Variants in PDE4D observed in about 807,000 individuals in gnomAD.
PDE4D encodes the protein phosphodiesterase 4D.
A neutral mutation model predicts 87.4 loss-of-function variants in PDE4D; 24 were observed. The observed-to-expected ratio is 0.27, with a 90% CI of 0.20 to 0.39. The LOEUF is 0.39. Ranked by LOEUF, PDE4D falls within the 10% of genes least tolerant of loss-of-function variation. The pLI, the probability that PDE4D is intolerant of heterozygous loss-of-function variation, is 1.00. For synonymous variants in PDE4D, 384 were observed against 383.2 expected (o/e 1.00, Z -0.02); for missense variants, 714 against 1,041.0 (o/e 0.69, Z 4.32).
intron 5 of PDE4D, among the ~76,000 whole-genome samples, chr5:59,056,419 TTTTG>T (rs1284527849): frequency 2.0e-5 from 3 of 152,048 alleles, no homozygotes; most frequent in African/African-American, 4.8e-5. Context: ...AAAGGAGTTT[TTTTG>T]TTTGTTTGTT....
intron 1 of PDE4D, among the ~76,000 whole-genome samples, chr5:60,216,606 C>G (rs560422113): frequency 1.3e-5 from 2 of 151,992 alleles, no homozygotes; most frequent in Non-Finnish European, 2.9e-5. Context: ...AACAAATATT[C>G]CATGTAAAGA....
intron 6 of PDE4D, among the ~76,000 whole-genome samples, chr5:59,003,403 A>AAAT (rs1750934641): frequency 1.3e-5 from 2 of 152,170 alleles, no homozygotes; most frequent in African/African-American, 4.8e-5. Flanking sequence ...TCTCGGCCTA[A>AAAT]AATACCCTCC....
At chr5:60,068,853 G>A (rs371128683) in intron 2 of PDE4D, among the ~76,000 whole-genome samples, 1 of 152,014 alleles carries the variant, frequency 6.6e-6, no homozygotes, top group East Asian at 1.9e-4. Context: ...TCACCCACAA[G>A]CTTTTTAGTT....
intron 1 of PDE4D, chr5:59,276,122 G>GAAAAAAAA (rs56153175): frequency 1.5e-5 from 13 of 854,576 alleles, no homozygotes; most frequent in African/African-American, 8.9e-5. Flanking sequence ...AGTGAGAAAG[G>GAAAAAAAA]AAAAAAAAAA....
At chr5:60,049,580 T>C (rs1254859299) in intron 2 of PDE4D, among the ~76,000 whole-genome samples, 3 of 152,214 alleles carry the variant, frequency 2.0e-5, no homozygotes, top group Non-Finnish European at 4.4e-5. Context: ...GTTTTCCTTC[T>C]AACAGACAGG....
At chr5:59,409,366 T>C (rs1582451858) in intron 1 of PDE4D, among the ~76,000 whole-genome samples, 1 of 152,134 alleles carries the variant, frequency 6.6e-6, no homozygotes, top group Non-Finnish European at 1.5e-5. Flanking sequence ...CATTTTGCCA[T>C]GTAAGAAGGA....
At chr5:60,515,325 T>C (rs890446256) in intron 1 of PDE4D, among the ~76,000 whole-genome samples, 3 of 152,150 alleles carry the variant, frequency 2.0e-5, no homozygotes, top group Non-Finnish European at 4.4e-5. Flanking sequence ...ACCCTTTTAT[T>C]GAAATATCAT....
Position 59,960,456 on chromosome 5 carries a change from G to A in PDE4D, c.272+28032C>T, listed in dbSNP as rs1022709663. 4.6e-5 allele frequency among the ~76,000 whole-genome samples: 7 copies of A among 152,044 alleles called. 1 individual carries two copies. Among genetic ancestry groups the A allele is most frequent in the Non-Finnish European group, 8.8e-5 (6 of 67,976 alleles). On this transcript the variant is annotated intron_variant, in intron 3 of 16. Coordinates refer to the PDE4D transcript ENST00000502484. ...TAGCAAAGACATGGAAGCAACCTAG[G>A]TGCCCATCAACGGTGGATTGGATAA...
chr5:59,154,859 C>T (rs548895227), intron 5 of PDE4D, among the ~76,000 whole-genome samples: 12 of 152,276 alleles, frequency 7.9e-5, no homozygotes, highest in African/African-American at 2.9e-4. Flanking sequence ...GCACTCCATC[C>T]TGGGCAACAG....
intron 1 of PDE4D, among the ~76,000 whole-genome samples, chr5:59,867,956 T>G (rs1423814309): frequency 2.0e-5 from 3 of 152,176 alleles, no homozygotes; most frequent in African/African-American, 7.2e-5. Flanking sequence ...GGTTTACTGG[T>G]CATGAGTATC....
chr5:59,211,007 T>C (rs1220354152), intron 2 of PDE4D, among the ~76,000 whole-genome samples: 4 of 152,226 alleles, frequency 2.6e-5, no homozygotes, highest in Non-Finnish European at 4.4e-5. Flanking sequence ...ACAGAAGTGA[T>C]TGTTATTCAG....
intron 2 of PDE4D, among the ~76,000 whole-genome samples, chr5:60,066,121 G>A (rs370749764): frequency 1.2e-4 from 18 of 152,058 alleles, no homozygotes; most frequent in South Asian, 6.2e-4. Flanking sequence ...TTTAATGATC[G>A]CCATTCTAAC....
intron 2 of PDE4D, among the ~76,000 whole-genome samples, chr5:60,062,862 C>A (rs1009989247): frequency 6.6e-6 from 1 of 151,828 alleles, no homozygotes; most frequent in Admixed American, 6.6e-5. Context: ...GGGAGTTGAA[C>A]AATGGGAACA....
rs147422722 is a variant in PDE4D, at chr5:60,151,693, A to G, written c.42+33864T>C. The stretch of plus-strand genomic sequence containing the variant: ...AAGATCATGTAATCTGCCAAGAGAA[A>G]TAGTTTTACTTCTTTCTTTCTGATT... On this transcript the variant is annotated intron_variant, in intron 2 of 16. Transcript: ENST00000502484. 6.3e-3 allele frequency among the ~76,000 whole-genome samples: 955 copies of G among 152,300 alleles called. 7 individuals carry two copies. Among genetic ancestry groups the G allele is most frequent in the African/African-American group, 0.022 (911 of 41,560 alleles).
chr5:60,439,739 T>G (rs1745043521), intron 1 of PDE4D, among the ~76,000 whole-genome samples: 1 of 152,090 alleles, frequency 6.6e-6, no homozygotes, highest in South Asian at 2.1e-4. Context: ...CCATCTCCAC[T>G]GTTGCCAGTT....
intron 1 of PDE4D, among the ~76,000 whole-genome samples, chr5:59,674,027 T>C (rs566175889): frequency 2.1e-4 from 32 of 152,222 alleles, no homozygotes; most frequent in Non-Finnish European, 3.8e-4. Context: ...TTAAAAATGC[T>C]TCATTTTATT....
At chr5:60,211,142 G>T (rs1261595162) in intron 1 of PDE4D, among the ~76,000 whole-genome samples, 1 of 152,182 alleles carries the variant, frequency 6.6e-6, no homozygotes, top group Non-Finnish European at 1.5e-5. Flanking sequence ...GCTCGGTGAC[G>T]CTCAGTAGAC....
intron 5 of PDE4D, among the ~76,000 whole-genome samples, chr5:59,175,437 CTCA>C (rs1783659758): frequency 6.7e-6 from 1 of 150,228 alleles, no homozygotes; most frequent in African/African-American, 2.5e-5. Context: ...TGGTGAGTTC[CTCA>C]TCACATTCGG....
chr5:60,221,476 T>A (rs114922120), intron 1 of PDE4D, among the ~76,000 whole-genome samples: 4,144 of 152,222 alleles, frequency 0.027, 204 homozygotes, highest in African/African-American at 0.094. Flanking sequence ...TTCCTTGGAT[T>A]ATGCCTTGTA....
Sources: gnomAD v4.1 joint callset for allele counts (sites outside exome capture counted in the v4.1 genomes callset) on GRCh38, gnomAD v4.1.1 for gene constraint, MANE v1.5 for transcripts, NCBI Gene and HGNC (gene_info 2026-07-23, HGNC 2026-07-21) for gene names.